LMBR1: variants seen among roughly 807,000 people sequenced by gnomAD.
The protein encoded by LMBR1 is limb development membrane protein 1.
A neutral mutation model predicts 73.9 loss-of-function variants in LMBR1; 52 were observed. The observed-to-expected ratio is 0.70, with a 90% CI of 0.56 to 0.89. The LOEUF is 0.89. Among genes scored for constraint, LMBR1 ranks in the 40% least tolerant of loss-of-function variants. LMBR1 has a pLI of 0.00. For missense variants in LMBR1, 539 were observed against 579.8 expected (o/e 0.93, Z 0.72); for synonymous variants, 215 against 209.4 (o/e 1.03, Z -0.23).
chr7:156,782,060 T>G (rs1827227078), intron 5 of LMBR1, among the ~76,000 whole-genome samples: 1 of 152,216 alleles, frequency 6.6e-6, no homozygotes, highest in Non-Finnish European at 1.5e-5. Flanking sequence ...TATAGGTATC[T>G]CATTTAAGGA....
rs566657036 is a variant in LMBR1 at position 156,714,867 on chromosome 7, T to A, written c.1225+9245A>T. 2.0e-5 allele frequency among the ~76,000 whole-genome samples: 3 copies of A among 152,278 alleles called. No homozygotes were observed. In the East Asian group the frequency reaches 5.8e-4, roughly 29 times the overall value. ...ACTAAAAACAATTAGGCCCTGGCATTAGACTGCCACGCCAAGGAAACGGAG... is the reference window on the plus strand; with the variant it reads ...ACTAAAAACAATTAGGCCCTGGCATAAGACTGCCACGCCAAGGAAACGGAG... On this transcript the variant is annotated intron_variant, in intron 15 of 16. Transcript: ENST00000353442.
At chr7:156,881,367 T>C (rs1193844185) in intron 1 of LMBR1, among the ~76,000 whole-genome samples, 1 of 152,146 alleles carries the variant, frequency 6.6e-6, no homozygotes, top group Non-Finnish European at 1.5e-5. Flanking sequence ...ATGTAAAACA[T>C]GAAACTATAA....
At chr7:156,723,171 A>G (rs1032828710) in intron 15 of LMBR1, among the ~76,000 whole-genome samples, 33 of 151,996 alleles carry the variant, frequency 2.2e-4, no homozygotes, top group African/African-American at 7.7e-4. Flanking sequence ...TTTCTATTAC[A>G]AACATGAAAT....
chr7:156,714,268 T>G (rs1432858941), intron 15 of LMBR1, among the ~76,000 whole-genome samples: 1 of 152,202 alleles, frequency 6.6e-6, no homozygotes, highest in Non-Finnish European at 1.5e-5. Flanking sequence ...AACGGAAAAC[T>G]GCACCAAGTG....
At chr7:156,687,608 G>C (rs1806252881) in intron 16 of LMBR1, among the ~76,000 whole-genome samples, 2 of 152,188 alleles carry the variant, frequency 1.3e-5, no homozygotes, top group South Asian at 4.2e-4. Context: ...AGAGACTTAT[G>C]GGTTAGCCTA....
At chr7:156,836,162 A>G (rs1270592758) in intron 2 of LMBR1, among the ~76,000 whole-genome samples, 2 of 152,230 alleles carry the variant, frequency 1.3e-5, no homozygotes, top group African/African-American at 4.8e-5. Context: ...GAAATCATTA[A>G]GTATTCATAC....
At chr7:156,826,117 T>C (rs1233398266) in intron 4 of LMBR1, among the ~76,000 whole-genome samples, 1 of 152,142 alleles carries the variant, frequency 6.6e-6, no homozygotes, top group African/African-American at 2.4e-5. Context: ...GTAGCTGGGA[T>C]TATAAGCGCG....
rs996343718 is a variant in LMBR1, at chr7:156,867,943, CA to C, written c.66+24984del. ...GTGAATTAAATCAATAAAACTGTTT[CA>C]AAAAAAAAGAAAATAGTTGAGGCTG... On this transcript the variant is annotated intron_variant, in intron 1 of 16. Coordinates refer to ENST00000353442, the MANE Select transcript of LMBR1 (RefSeq NM_022458.4). Among the ~76,000 whole-genome samples, 4 of 150,136 alleles carry C rather than the reference CA, an allele frequency of 2.7e-5. No individual in the cohort carries two copies. The East Asian group carries it at 5.8e-4, about 22-fold the overall frequency.
At chr7:156,814,948 A>C (rs970529957) in intron 4 of LMBR1, among the ~76,000 whole-genome samples, 1 of 150,232 alleles carries the variant, frequency 6.7e-6, no homozygotes, top group Non-Finnish European at 1.5e-5. Context: ...CCTGAGGTTG[A>C]GAGCTCGAGA....
chr7:156,732,192 AG>A (rs1816961428), intron 10 of LMBR1, among the ~76,000 whole-genome samples: 1 of 152,152 alleles, frequency 6.6e-6, no homozygotes, highest in Admixed American at 6.5e-5. Flanking sequence ...GAAACCAAAA[AG>A]TACACAGATA....
At chr7:156,720,124 G>C (rs558068678) in intron 15 of LMBR1, among the ~76,000 whole-genome samples, 7 of 151,070 alleles carry the variant, frequency 4.6e-5, no homozygotes, top group East Asian at 1.9e-4. Context: ...TTAAACTAAA[G>C]AGCTTCTGCA....
intron 1 of LMBR1, among the ~76,000 whole-genome samples, chr7:156,842,325 G>T (rs543786710): frequency 6.8e-6 from 1 of 146,826 alleles, no homozygotes; most frequent in East Asian, 2.0e-4. Context: ...TTTGTGGGGC[G>T]GGGGGAGATT....
At chr7:156,818,109 G>A (rs769323663) in intron 4 of LMBR1, among the ~76,000 whole-genome samples, 1 of 151,866 alleles carries the variant, frequency 6.6e-6, no homozygotes, top group Non-Finnish European at 1.5e-5. Flanking sequence ...AATTTATTAG[G>A]GACTTACTTT....
chr7:156,763,747 C>CAAG lies in LMBR1; in HGVS notation c.469_471dup (p.Leu157dup). ...CACACTATCCCAAGAATGAGTAACG[C>CAAG]AAGAAGAAGAAGCATGACCAAAGTC... On this transcript the variant is annotated inframe_insertion, in exon 6 of 17. Transcript: ENST00000353442. 6.2e-7 allele frequency: 1 copy of CAAG among 1,605,380 alleles called. No homozygotes were observed. Among genetic ancestry groups the CAAG allele is most frequent in the Non-Finnish European group, 8.5e-7 (1 of 1,177,908 alleles).
intron 3 of LMBR1, among the ~76,000 whole-genome samples, chr7:156,829,356 C>A (rs986430019): frequency 2.6e-5 from 4 of 152,304 alleles, no homozygotes; most frequent in African/African-American, 9.6e-5. Context: ...GGTGGGGCCT[C>A]ATGGGAGGTA....
intron 4 of LMBR1, among the ~76,000 whole-genome samples, chr7:156,802,506 A>C (rs1024922871): frequency 2.6e-5 from 4 of 152,226 alleles, no homozygotes; most frequent in African/African-American, 9.7e-5. Context: ...AAAAGGTCAC[A>C]GGCTGAACTA....
At chr7:156,835,088 C>T (rs538286047) in intron 2 of LMBR1, among the ~76,000 whole-genome samples, 3 of 152,106 alleles carry the variant, frequency 2.0e-5, no homozygotes, top group Non-Finnish European at 2.9e-5. Context: ...TGCAGTGAGC[C>T]GAGATCACGC....
At chr7:156,856,197 T>A (rs1796949393) in intron 1 of LMBR1, among the ~76,000 whole-genome samples, 1 of 151,570 alleles carries the variant, frequency 6.6e-6, no homozygotes, top group South Asian at 2.1e-4. Flanking sequence ...TCTGTCTCAA[T>A]AAATAAATAA....
At chr7:156,834,251 T>C (rs536643439) in intron 2 of LMBR1, among the ~76,000 whole-genome samples, 175 of 152,306 alleles carry the variant, frequency 1.1e-3, no homozygotes, top group Non-Finnish European at 2.5e-4. Flanking sequence ...AGGAGTCTCC[T>C]GGACCATCCT....
Sources: gnomAD v4.1 joint callset for allele counts (sites outside exome capture counted in the v4.1 genomes callset) on GRCh38, gnomAD v4.1.1 for gene constraint, MANE v1.5 for transcripts, NCBI Gene and HGNC (gene_info 2026-07-23, HGNC 2026-07-21) for gene names.